The following SLC37A1 variants were observed in gnomAD, a reference collection of about 807,000 sequenced individuals.
SLC37A1 encodes solute carrier family 37 member 1.
A neutral mutation model predicts 75.3 loss-of-function variants in SLC37A1; 49 were observed. The ratio of observed to expected loss-of-function variants is 0.65; its 90% CI spans 0.52 to 0.83. The LOEUF (loss-of-function observed/expected upper bound fraction) is 0.83. Ranked by LOEUF, SLC37A1 falls within the 40% of genes least tolerant of loss-of-function variation. SLC37A1 has a pLI of 0.00. For synonymous variants in SLC37A1, 268 were observed against 292.1 expected, an observed-to-expected ratio of 0.92 and a Z score of 0.84; for missense variants, 566 against 695.0, an observed-to-expected ratio of 0.81 and a Z score of 2.09.
At chr21:42,535,577 C>T in intron 5 of SLC37A1, 27 bp downstream of exon 5, 1 of 1,599,962 alleles carries the variant, frequency 6.3e-7, no homozygotes, top group African/African-American at 1.3e-5. Flanking sequence ...TTTCCAGACC[C>T]TTCCTGGTTA....
rs1236462109 is a variant in SLC37A1 at position 42,534,724 on chromosome 21, T to C, written c.165T>C (p.Ala55=). The C allele has an allele frequency of 6.2e-7, 1 of 1,613,850 alleles. No individual in the cohort carries two copies. The highest frequency in any genetic ancestry group is 8.5e-7 in the Non-Finnish European group (1 of 1,179,964). ...GTGAGCTCCACAAGTACTGCACTGC[T>C]TGGGATGAAGCTGACGTCAGGTTCA... The part of the protein sequence containing the change: ...VKGELHKYCT[A]WDEADVRFSS... The change falls in exon 4 of 20, where the codon GCT becomes GCC. Residue 55 remains alanine, a synonymous_variant. Transcript: ENST00000352133.
chr21:42,507,979 T>A (rs973147597), intron 2 of SLC37A1, among the ~76,000 whole-genome samples: 2 of 152,044 alleles, frequency 1.3e-5, no homozygotes, highest in Non-Finnish European at 2.9e-5. Flanking sequence ...GTAATTTCAT[T>A]CTCCCATCAG....
At chr21:42,539,790 A>G (rs550837981) in intron 6 of SLC37A1, 143 bp downstream of exon 6, 2 of 752,164 alleles carry the variant, frequency 2.7e-6, no homozygotes, top group African/African-American at 5.2e-5. Flanking sequence ...CTGACGTAAC[A>G]AAGTCCTTCC....
chr21:42,537,540 G>A (rs768224150), intron 5 of SLC37A1, among the ~76,000 whole-genome samples: 4 of 152,176 alleles, frequency 2.6e-5, no homozygotes, highest in Admixed American at 6.5e-5. Flanking sequence ...AGAGACATTT[G>A]TGGGTGTCAC....
rs759650320 is a variant in SLC37A1, at chr21:42,567,020, C to CCCTA, written c.1308_1311dup (p.Thr438LeufsTer16). The CCCTA allele has an allele frequency of 1.9e-6, 3 of 1,608,926 alleles. No individual in the cohort carries two copies. The African/African-American group carries it at 4.0e-5, about 21-fold the overall frequency. ...GCTCAGCGGAGCCCTGGTCAGTGGG[C>CCCTA]CCTACACACTCATCACCACCGCCGT... On this transcript the variant is annotated frameshift_variant, in exon 16 of 20. Transcript: ENST00000352133. LOFTEE classifies it high-confidence loss of function.
At chr21:42,555,497 C>T (rs917172319) in intron 10 of SLC37A1, among the ~76,000 whole-genome samples, 1 of 152,226 alleles carries the variant, frequency 6.6e-6, no homozygotes, top group Non-Finnish European at 1.5e-5. Context: ...AATGATGTCT[C>T]GTGCATCTGG....
chr21:42,564,514 ACT>A (rs1212330986), intron 13 of SLC37A1, among the ~76,000 whole-genome samples, 192 bp from the exon 14 acceptor site: 1 of 151,930 alleles, frequency 6.6e-6, no homozygotes, highest in East Asian at 1.9e-4. Context: ...TGTCTCCAAG[ACT>A]CTCACATCTG....
chr21:42,501,037 AGT>A (rs2054336455), intron 1 of SLC37A1, among the ~76,000 whole-genome samples: 1 of 152,258 alleles, frequency 6.6e-6, no homozygotes, highest in African/African-American at 2.4e-5. Context: ...AGTGGACACC[AGT>A]GTGGAGACGA....
Position 42,547,986 on chromosome 21 carries a change from CT to C in SLC37A1, c.768+847del. 6.6e-6 allele frequency among the ~76,000 whole-genome samples: 1 copy of C among 152,184 alleles called. No homozygotes were observed. ...GGGTGGTCAGCTCTCTGGCCTCACC[CT>C]GCTGGGCCCGTCGCCCGCGTCTGAC... On this transcript the variant is annotated intron_variant, in intron 9 of 19. Transcript: ENST00000352133. The surrounding 1 kb of genome is among the most constrained non-coding windows in gnomAD (Gnocchi z 6.1).
intron 10 of SLC37A1, 58 bp from the exon 11 acceptor site, chr21:42,558,900 C>T (rs1428658285): frequency 1.9e-6 from 3 of 1,609,310 alleles, no homozygotes; most frequent in Non-Finnish European, 1.7e-6. Context: ...CCCCACTTCA[C>T]CCAGACTGCC....
At chr21:42,561,110 C>T (rs1444364730) in intron 11 of SLC37A1, among the ~76,000 whole-genome samples, 1 of 152,216 alleles carries the variant, frequency 6.6e-6, no homozygotes, top group Non-Finnish European at 1.5e-5. Context: ...ACGTACACAT[C>T]CTCATCAACT....
intron 2 of SLC37A1, among the ~76,000 whole-genome samples, chr21:42,504,592 C>T (rs2054367536): frequency 6.6e-6 from 1 of 152,170 alleles, no homozygotes; most frequent in Non-Finnish European, 1.5e-5. Context: ...AAAGCAAGAA[C>T]TCATTAGCCT....
chr21:42,573,622 T>C (rs1008833374), intron 17 of SLC37A1, among the ~76,000 whole-genome samples: 19 of 151,750 alleles, frequency 1.3e-4, no homozygotes, highest in African/African-American at 1.9e-4. Flanking sequence ...AAAAAAAACA[T>C]ACAATTGCTC....
intron 11 of SLC37A1, among the ~76,000 whole-genome samples, chr21:42,559,585 G>A (rs2055775364): frequency 6.6e-6 from 1 of 152,250 alleles, no homozygotes; most frequent in African/African-American, 2.4e-5. Flanking sequence ...TCCCTTTAAA[G>A]TGCCTTTAGG....
In SLC37A1 at chr21:42,514,145, CG is replaced by C. The variant is rs2054477338; in HGVS notation, c.-747del. The C allele has an allele frequency of 6.6e-6, 1 of 151,998 alleles. No homozygotes were observed. The highest frequency in any genetic ancestry group is 1.5e-5 in the Non-Finnish European group (1 of 67,926). 9.4% of individuals were successfully genotyped at this position (151,998 alleles called of 1,614,324 possible). A position where few individuals can be genotyped will look rare whatever the true frequency, so the allele number is the denominator to read the frequency against. On this transcript the variant is annotated 5_prime_UTR_variant, in exon 1 of 20. The change abolishes the stop of an existing upstream ORF in the 5' untranslated region. Coordinates refer to ENST00000352133, the MANE Select transcript of SLC37A1 (RefSeq NM_001320537.2). This position sits in a 1 kb window ranked among gnomAD's most constrained non-coding sequence, Gnocchi z 4.8. The stretch of plus-strand genomic sequence containing the variant: ...GCTGGTTTGGATGTTTTCCGAGAGC[CG>C]GGGACGGTCTCAAGCTATTTTCGCG...
At chr21:42,534,933 T>C (rs2055095376) in intron 4 of SLC37A1, 103 bp downstream of exon 4, 4 of 1,429,070 alleles carry the variant, frequency 2.8e-6, no homozygotes, top group Non-Finnish European at 3.7e-6. Flanking sequence ...TGTAACTGCA[T>C]TTCCATGACA....
At chr21:42,517,070 G>A (rs1199590993) in intron 1 of SLC37A1, among the ~76,000 whole-genome samples, 1 of 152,220 alleles carries the variant, frequency 6.6e-6, no homozygotes, top group African/African-American at 2.4e-5. Context: ...ATGGAAGTAG[G>A]ACCTTGCCCT....
intron 3 of SLC37A1, among the ~76,000 whole-genome samples, chr21:42,533,356 C>G (rs2055045434): frequency 6.6e-6 from 1 of 152,198 alleles, no homozygotes; most frequent in Admixed American, 6.5e-5. Context: ...TCCTTTGAAT[C>G]TTGAATAGTG....
chr21:42,553,332 T>G (rs1244705052), intron 9 of SLC37A1, among the ~76,000 whole-genome samples: 2 of 152,266 alleles, frequency 1.3e-5, no homozygotes, highest in African/African-American at 4.8e-5. Context: ...GACTGATTCC[T>G]TATTTTAAAG....
Sources: allele counts gnomAD v4.1 joint callset (sites outside exome capture counted in the v4.1 genomes callset), GRCh38; gene constraint gnomAD v4.1.1; non-coding constraint Gnocchi (gnomAD v3.1); transcripts MANE v1.5; gene names NCBI Gene and HGNC (gene_info 2026-07-23, HGNC 2026-07-21).